Variants in SASS6 observed in about 807,000 individuals in gnomAD.
SASS6 encodes spindle assembly abnormal protein 6 homolog.
Under a neutral mutation model 94.9 loss-of-function variants are expected in SASS6, and 59 were observed. That is an observed-to-expected ratio of 0.62 (90% CI 0.50 to 0.77). SASS6 has a LOEUF of 0.77. Ranked by LOEUF, SASS6 falls within the 30% of genes least tolerant of loss-of-function variation. The probability of loss-of-function intolerance (pLI) is 0.00; values close to 1 mark genes in which losing one functional copy is unlikely to be tolerated. For synonymous variants in SASS6, 264 were observed against 270.0 expected (o/e 0.98, Z 0.22); for missense variants, 698 against 734.1 (o/e 0.95, Z 0.57).
At chr1:100,130,609 G>C (rs1654932341) in intron 1 of SASS6, among the ~76,000 whole-genome samples, 1 of 151,596 alleles carries the variant, frequency 6.6e-6, no homozygotes, top group African/African-American at 2.4e-5. Flanking sequence ...GGAACCCTTG[G>C]GCCCAGGAGG....
chr1:100,107,425 T>A lies in SASS6; in HGVS notation c.1275A>T (p.Glu425Asp). The change falls in exon 11 of 17, where the codon GAA becomes GAT. Residue 425 changes from glutamate (E) to aspartate (D), a missense_variant. Coordinates refer to ENST00000287482, the MANE Select transcript of SASS6 (RefSeq NM_194292.3). ...GTCCAACATCTTGTAATTCCTTTTGTTCCTTTTGTAATTTTTCCTCCTTCT... is the reference window on the plus strand; with the variant it reads ...GTCCAACATCTTGTAATTCCTTTTGATCCTTTTGTAATTTTTCCTCCTTCT... ...LAEKEEKLQK[E>D]QKELQDVGQS... is the part of the protein sequence containing the mutation. 7 of 1,610,238 alleles carry A rather than the reference T, an allele frequency of 4.3e-6. No individual in the cohort carries two copies. Among genetic ancestry groups the A allele is most frequent in the Non-Finnish European group, 5.9e-6 (7 of 1,176,908 alleles).
At chr1:100,102,006 A>T (rs560671725) in intron 14 of SASS6, among the ~76,000 whole-genome samples, 2 of 152,212 alleles carry the variant, frequency 1.3e-5, no homozygotes, top group Non-Finnish European at 2.9e-5. Context: ...TCATTATTTA[A>T]GAAAAAATAA....
chr1:100,101,339 T>TC (rs1325808817), intron 14 of SASS6, among the ~76,000 whole-genome samples: 1 of 151,832 alleles, frequency 6.6e-6, no homozygotes, highest in African/African-American at 2.4e-5. Flanking sequence ...TAGGGTTTTT[T>TC]TTTTTCCCTG....
intron 7 of SASS6, 28 bp from the exon 8 acceptor site, chr1:100,110,511 A>G (rs746641557): frequency 3.5e-5 from 42 of 1,214,490 alleles, no homozygotes; most frequent in Non-Finnish European, 4.7e-5. Context: ...TACAGTACCA[A>G]AATTCAAAGA....
intron 15 of SASS6, among the ~76,000 whole-genome samples, chr1:100,086,685 G>GT (rs1436738521): frequency 6.6e-6 from 1 of 150,748 alleles, no homozygotes; most frequent in Non-Finnish European, 1.5e-5. Context: ...TTTTTTTTTG[G>GT]TTTTTTTCCT....
In SASS6 at chr1:100,085,422, T is replaced by A; in HGVS notation, c.1880A>T (p.Asp627Val). Residue 627 changes from aspartate to valine, a missense_variant, in exon 17 of 17, where the codon GAT becomes GTT. Physicochemically the swap from Asp to Val is radical, Grantham distance 152. Transcript: ENST00000287482. ...NLFSNSDHQR[D>V]GTLGALHTSS... ...TGTATGTAATGCTCCTAAAGTGCCA[T>A]CTCTCTGATGGTCTGCAAATGAGGA... is the stretch of plus-strand genomic sequence containing the variant. The A allele has an allele frequency of 6.2e-7, 1 of 1,611,428 alleles. No individual in the cohort carries two copies. The highest frequency in any genetic ancestry group is 8.5e-7 in the Non-Finnish European group (1 of 1,177,604).
At chr1:100,092,498 G>C (rs367678160) in intron 14 of SASS6, among the ~76,000 whole-genome samples, 1 of 152,164 alleles carries the variant, frequency 6.6e-6, no homozygotes, top group Non-Finnish European at 1.5e-5. Context: ...TGAAGGAAAA[G>C]AACAAGAAGA....
intron 14 of SASS6, among the ~76,000 whole-genome samples, chr1:100,101,784 A>AT (rs1341749362): frequency 6.6e-6 from 1 of 152,230 alleles, no homozygotes; most frequent in African/African-American, 2.4e-5. Flanking sequence ...TATTCCAGGC[A>AT]TAAAAACTCA....
chr1:100,101,817 G>A (rs1354673948), intron 14 of SASS6, among the ~76,000 whole-genome samples: 3 of 152,128 alleles, frequency 2.0e-5, no homozygotes, highest in Non-Finnish European at 4.4e-5. Flanking sequence ...ATTTAACTGA[G>A]AATTCTCCAT....
At chr1:100,125,133 A>G (rs576197440) in intron 2 of SASS6, among the ~76,000 whole-genome samples, 1 of 152,240 alleles carries the variant, frequency 6.6e-6, no homozygotes, top group African/African-American at 2.4e-5. Flanking sequence ...TTCAAAACGT[A>G]AAGTAAAAGA....
At chr1:100,107,323 A>G (rs1276189128) in intron 11 of SASS6, 51 bp downstream of exon 11, 2 of 1,189,240 alleles carry the variant, frequency 1.7e-6, no homozygotes, top group African/African-American at 1.6e-5. Context: ...ATAAATTTTT[A>G]AAACGAGGAA....
At position 100,105,915 on chromosome 1, in the gene SASS6, G is replaced by A. The variant is rs768670143; in HGVS notation, c.1409-12C>T. The stretch of plus-strand genomic sequence containing the variant: ...TAACCACGTGATTACTTAAATAAAA[G>A]AACAAGAAGCAAGGTAAAGAATATT... On this transcript the variant is annotated splice_polypyrimidine_tract_variant and intron_variant, in intron 12 of 16. Transcript: ENST00000287482. 6 of 1,556,952 alleles carry A rather than the reference G, an allele frequency of 3.9e-6. No homozygotes were observed. Among genetic ancestry groups the A allele is most frequent in the Middle Eastern group, 1.7e-4 (1 of 5,914 alleles).
rs889073589 is a variant in SASS6 at position 100,093,198 on chromosome 1, T to G, written c.1675-4962A>C. Among the ~76,000 whole-genome samples the G allele has an allele frequency of 3.5e-5, 5 of 143,914 alleles. No homozygotes were observed. The East Asian group carries it at 1.0e-3, about 29-fold the overall frequency. The allele number at this position is 143,914 out of a possible 152,430, so 94.4% of individuals were successfully genotyped here. On this transcript the variant is annotated intron_variant, in intron 14 of 16. Transcript: ENST00000287482. The stretch of plus-strand genomic sequence containing the variant: ...TCTTTTTTTTTTTTTTTTTTTTTTT[T>G]GTGAGACCTCTCACTCTATTGCCCA...
chr1:100,084,195 T>C lies in SASS6; in HGVS notation c.*1133A>G, dbSNP rs976771482. 3 of 151,828 alleles carry C rather than the reference T, an allele frequency of 2.0e-5. No individual in the cohort carries two copies. The highest frequency in any genetic ancestry group is 1.9e-4 in the East Asian group (1 of 5,198). The allele number at this position is 151,828 out of a possible 1,614,324, so 9.4% of individuals were successfully genotyped here. ...TCTTTCTTACCATGGGACTCAGTAA[T>C]GTTATTACATCAATATCTTGAAATG... On this transcript the variant is annotated 3_prime_UTR_variant, in exon 17 of 17. Coordinates refer to ENST00000287482, the MANE Select transcript of SASS6 (RefSeq NM_194292.3).
In SASS6 at chr1:100,085,733, A is replaced by G. The variant is rs906656987; in HGVS notation, c.1773-103T>C. The G allele has an allele frequency of 1.0e-5, 7 of 672,818 alleles. No homozygotes were observed. In the African/African-American group the frequency reaches 1.3e-4, roughly 12 times the overall value. The allele number at this position is 672,818 out of a possible 1,614,324, so 41.7% of individuals were successfully genotyped here. ...ATATAAGATAATGTAACTAAGTTCT[A>G]TTTATAGCTTAGCTTTGTTCAGAAC... On this transcript the variant is annotated intron_variant, in intron 15 of 16. Transcript: ENST00000287482.
At chr1:100,098,860 T>C (rs1428700564) in intron 14 of SASS6, among the ~76,000 whole-genome samples, 1 of 152,210 alleles carries the variant, frequency 6.6e-6, no homozygotes, top group African/African-American at 2.4e-5. Flanking sequence ...TATGTTTATA[T>C]ATAAAAACAC....
At chr1:100,090,917 T>C (rs922065074) in intron 14 of SASS6, among the ~76,000 whole-genome samples, 2 of 152,066 alleles carry the variant, frequency 1.3e-5, no homozygotes, top group South Asian at 2.1e-4. Flanking sequence ...ACCAAAGGCT[T>C]TGGGAACCGA....
intron 1 of SASS6, among the ~76,000 whole-genome samples, chr1:100,132,120 A>G (rs1379194348): frequency 6.6e-6 from 1 of 152,138 alleles, no homozygotes; most frequent in Non-Finnish European, 1.5e-5. Context: ...GAAGAAAAGG[A>G]CTGTTTTTCC....
chr1:100,094,732 G>A (rs1490182991), intron 14 of SASS6, among the ~76,000 whole-genome samples: 1 of 151,858 alleles, frequency 6.6e-6, no homozygotes, highest in Non-Finnish European at 1.5e-5. Flanking sequence ...CTGGTGCAGT[G>A]ACAGGCACCT....
Sources: allele counts gnomAD v4.1 joint callset (sites outside exome capture counted in the v4.1 genomes callset), GRCh38; gene constraint gnomAD v4.1.1; transcripts MANE v1.5; gene names NCBI Gene and HGNC (gene_info 2026-07-23, HGNC 2026-07-21).